ZXDC: variants seen among roughly 807,000 people sequenced by gnomAD.
The protein encoded by ZXDC is ZXD family zinc finger C, also known as zinc finger protein ZXDC.
ZXDC carries 58 observed loss-of-function variants against 63.6 expected under a neutral mutation model. The observed-to-expected ratio is 0.91, with a 90% CI of 0.74 to 1.13. The LOEUF is 1.13. Ranked by LOEUF, ZXDC falls within the 50% of genes most tolerant of loss-of-function variation. ZXDC has a pLI of 0.00. For missense variants in ZXDC, 1,133 were observed against 1,148.9 expected (o/e 0.99, Z 0.20); for synonymous variants, 561 against 496.1 (o/e 1.13, Z -1.74).
intron 7 of ZXDC, chr3:126,458,881 ACT>A: frequency 1.0e-6 from 1 of 985,456 alleles, no homozygotes; most frequent in Non-Finnish European, 1.2e-6. Flanking sequence ...ATAGTGAAAC[ACT>A]GGCTTTAAGA....
chr3:126,438,266 TG>T lies in ZXDC; in HGVS notation c.*108del. Reference sequence around the variant, plus strand: ...CCCAAAAGTCTCAAAAGGGCTACGCTGGTCTTCTGAACGGAAACCAAATGAG... The same window carrying T: ...CCCAAAAGTCTCAAAAGGGCTACGCTGTCTTCTGAACGGAAACCAAATGAG... On this transcript the variant is annotated 3_prime_UTR_variant, in exon 10 of 10. Coordinates refer to ENST00000389709, the MANE Select transcript of ZXDC (RefSeq NM_025112.5). The T allele has an allele frequency of 1.1e-6, 1 of 872,194 alleles. No individual in the cohort carries two copies. The highest frequency in any genetic ancestry group is 1.9e-6 in the Non-Finnish European group (1 of 534,006). The allele number at this position is 872,194 out of a possible 1,614,324, so 54.0% of individuals were successfully genotyped here. A position where few individuals can be genotyped will look rare whatever the true frequency, so the allele number is the denominator to read the frequency against.
In ZXDC at chr3:126,461,230, A is replaced by G. The variant is rs541924657; in HGVS notation, c.2127+305T>C. Reference sequence around the variant, plus strand: ...AAGCATAGAGGCAAAGTATCTCAACATTACAAAACCCCCAATCTTCAAGGA... The same window carrying G: ...AAGCATAGAGGCAAAGTATCTCAACGTTACAAAACCCCCAATCTTCAAGGA... On this transcript the variant is annotated intron_variant, in intron 6 of 9. Coordinates refer to ENST00000389709, the MANE Select transcript of ZXDC (RefSeq NM_025112.5). 26 of 1,131,570 alleles carry G rather than the reference A, an allele frequency of 2.3e-5. No individual in the cohort carries two copies. In the East Asian group the frequency reaches 1.4e-3, roughly 61 times the overall value. 70.1% of individuals were successfully genotyped at this position (1,131,570 alleles called of 1,614,324 possible).
Position 126,461,847 on chromosome 3 carries a change from A to G in ZXDC, c.1815T>C (p.Ser605=). 6.2e-7 allele frequency: 1 copy of G among 1,613,956 alleles called. No individual in the cohort carries two copies. Among genetic ancestry groups the G allele is most frequent in the Non-Finnish European group, 8.5e-7 (1 of 1,179,968 alleles). The change falls in exon 6 of 10, where the codon AGT becomes AGC. Residue 605 remains serine, a synonymous_variant. Transcript: ENST00000389709. ...SFSVDDVQTV[S]AGALGCLVAL... ...CCACCAGACAGCCTAATGCTCCTGCACTCACAGTCTGCACGTCATCCACAC... is the reference window on the plus strand; with the variant it reads ...CCACCAGACAGCCTAATGCTCCTGCGCTCACAGTCTGCACGTCATCCACAC...
At chr3:126,470,687 G>C (rs919992882) in intron 4 of ZXDC, among the ~76,000 whole-genome samples, 1 of 152,168 alleles carries the variant, frequency 6.6e-6, no homozygotes, top group Non-Finnish European at 1.5e-5. Flanking sequence ...ATGAGGATCA[G>C]GGCCATGAGT....
At chr3:126,450,203 A>G (rs1411410949) in intron 7 of ZXDC, 4 of 395,162 alleles carry the variant, frequency 1.0e-5, no homozygotes, top group Non-Finnish European at 2.0e-5. Flanking sequence ...CTCACAGGCA[A>G]CTGCACCTTG....
intron 7 of ZXDC, 28 bp downstream of exon 7, chr3:126,459,625 C>T (rs766069753): frequency 6.8e-6 from 11 of 1,613,860 alleles, no homozygotes; most frequent in South Asian, 4.4e-5. Context: ...GGCCCTTGCT[C>T]GTCCGGCTGC....
rs369565495 is a variant in ZXDC at position 126,472,029 on chromosome 3, G to A, written c.1083C>T (p.Asp361=). ...TGAAGGTCCAGCCACAGCTGTCAGA[G>A]TCACAAATAAATGGTCTTTCACCTT... The part of the protein sequence containing the change: ...SHTGERPFIC[D]SDSCGWTFTS... The change falls in exon 3 of 10, where the codon GAC becomes GAT. Residue 361 remains aspartate (D), a synonymous_variant. Transcript: ENST00000389709. The A allele has an allele frequency of 2.0e-5, 32 of 1,613,806 alleles. No individual in the cohort carries two copies. The African/African-American group carries it at 3.3e-4, about 17-fold the overall frequency.
chr3:126,468,899 C>A (rs923998786), intron 4 of ZXDC, among the ~76,000 whole-genome samples: 3 of 152,206 alleles, frequency 2.0e-5, no homozygotes, highest in African/African-American at 4.8e-5. Flanking sequence ...AGTACCCGTC[C>A]CAGCCACTCC....
Position 126,441,534 on chromosome 3 carries a change from G to A in ZXDC, c.2394+231C>T, listed in dbSNP as rs115817732. 942 of 1,286,694 alleles carry A rather than the reference G, an allele frequency of 7.3e-4. 5 individuals are homozygous for A. In the African/African-American group the frequency reaches 0.012, roughly 16 times the overall value. 79.7% of individuals were successfully genotyped at this position (1,286,694 alleles called of 1,614,324 possible). ...AGACAGGTTCAGGAAGTGGATGCACGGTCCCAGCAACACTCAGAGCTTGAG... is the reference window on the plus strand; with the variant it reads ...AGACAGGTTCAGGAAGTGGATGCACAGTCCCAGCAACACTCAGAGCTTGAG... On this transcript the variant is annotated intron_variant, in intron 8 of 9. Coordinates refer to ENST00000389709, the MANE Select transcript of ZXDC (RefSeq NM_025112.5).
chr3:126,459,480 T>G (rs1934435932), intron 7 of ZXDC, 173 bp downstream of exon 7: 1 of 985,352 alleles, frequency 1.0e-6, no homozygotes, highest in African/African-American at 1.7e-5. Context: ...GGGAATTTTG[T>G]TACTAATTTT....
In ZXDC at chr3:126,475,140, C is replaced by T. The variant is rs761848123; in HGVS notation, c.726G>A (p.Val242=). The change falls in exon 1 of 10, where the codon GTG becomes GTA. Residue 242 remains valine, a synonymous_variant. Coordinates refer to ENST00000389709, the MANE Select transcript of ZXDC (RefSeq NM_025112.5). ...TAGTGAACTTCTTGCCACAGCCGCC[C>T]ACTGGACAGCCGAAGGGCCGCAGCT... is the stretch of plus-strand genomic sequence containing the variant. ...HDKLRPFGCP[V]GGCGKKFTTV... is the part of the protein sequence containing the mutation. The T allele has an allele frequency of 6.2e-6, 10 of 1,609,198 alleles. No individual in the cohort carries two copies. Among genetic ancestry groups the T allele is most frequent in the Non-Finnish European group, 7.6e-6 (9 of 1,177,898 alleles).
intron 5 of ZXDC, 121 bp downstream of exon 5, chr3:126,466,034 C>T (rs1934743514): frequency 7.4e-6 from 9 of 1,219,892 alleles, no homozygotes; most frequent in Middle Eastern, 5.8e-4. Flanking sequence ...GCTTGGCAGC[C>T]ACGCCCACAA....
At chr3:126,466,014 A>G (rs1182327766) in intron 5 of ZXDC, 141 bp downstream of exon 5, 1 of 909,326 alleles carries the variant, frequency 1.1e-6, no homozygotes, top group Non-Finnish European at 1.7e-6. Context: ...AGTGCAAAAG[A>G]GGCCACTTGG....
At chr3:126,451,439 T>G in intron 7 of ZXDC, 1 of 985,444 alleles carries the variant, frequency 1.0e-6, no homozygotes, top group Non-Finnish European at 1.2e-6. Context: ...CACAGATCCC[T>G]GGGATTTCCT....
intron 5 of ZXDC, 46 bp from the exon 6 acceptor site, chr3:126,462,266 A>C: frequency 6.5e-7 from 1 of 1,532,586 alleles, no homozygotes; most frequent in Non-Finnish European, 8.7e-7. Context: ...GACCTTGAAG[A>C]CTGAGTACTT....
intron 7 of ZXDC, chr3:126,458,830 G>A (rs1934409969): frequency 1.0e-6 from 1 of 985,208 alleles, no homozygotes; most frequent in Non-Finnish European, 1.2e-6. Context: ...AACTGTTGAG[G>A]TGTCCCTTCC....
Position 126,461,655 on chromosome 3 carries a change from T to C in ZXDC, c.2007A>G (p.Pro669=), listed in dbSNP as rs753057355. ...IKVEPDSPSR[P]GAVGQQEGSH... is the part of the protein sequence containing the mutation. ...TTCCTTCCTGCTGCCCAACTGCTCCTGGGCGAGAAGGCGAGTCCGGCTCCA... is the reference window on the plus strand; with the variant it reads ...TTCCTTCCTGCTGCCCAACTGCTCCCGGGCGAGAAGGCGAGTCCGGCTCCA... Residue 669 remains proline, a synonymous_variant, in exon 6 of 10, where the codon CCA becomes CCG. Transcript: ENST00000389709. 6.2e-7 allele frequency: 1 copy of C among 1,613,644 alleles called. No homozygotes were observed. Among genetic ancestry groups the C allele is most frequent in the South Asian group, 1.1e-5 (1 of 91,056 alleles).
intron 6 of ZXDC, chr3:126,459,969 T>C: frequency 1.0e-6 from 1 of 985,476 alleles, no homozygotes; most frequent in Non-Finnish European, 1.2e-6. Flanking sequence ...GCAAAGTTCA[T>C]TCCTTCATAG....
intron 8 of ZXDC, chr3:126,440,547 C>T (rs1403666137): frequency 7.1e-6 from 7 of 985,564 alleles, no homozygotes; most frequent in Non-Finnish European, 7.2e-6. Flanking sequence ...GCTTCCCTAC[C>T]GTCTCCCTAT....
Sources: allele counts gnomAD v4.1 joint callset (sites outside exome capture counted in the v4.1 genomes callset), GRCh38; gene constraint gnomAD v4.1.1; transcripts MANE v1.5; gene names NCBI Gene and HGNC (gene_info 2026-07-23, HGNC 2026-07-21).